The following RAB2A variants were observed in gnomAD, a reference collection of about 807,000 sequenced individuals.
The protein encoded by RAB2A is ras-related protein Rab-2A.
RAB2A carries 7 observed loss-of-function variants against 32.5 expected under a neutral mutation model. The ratio of observed to expected loss-of-function variants is 0.22; its 90% CI spans 0.12 to 0.40. The LOEUF is 0.40. RAB2A is among the 10% of genes least tolerant of loss of function. RAB2A has a pLI of 1.00. For synonymous variants in RAB2A, 79 were observed against 85.2 expected, an observed-to-expected ratio of 0.93 and a Z score of 0.40; for missense variants, 108 against 260.7, an observed-to-expected ratio of 0.41 and a Z score of 4.03.
chr8:60,597,413 G>C (rs1804046730), intron 6 of RAB2A, among the ~76,000 whole-genome samples: 1 of 152,014 alleles, frequency 6.6e-6, no homozygotes, highest in African/African-American at 2.4e-5. Flanking sequence ...TGGACACAGG[G>C]CGGGTAACAT....
chr8:60,561,079 A>G (rs984197963), intron 2 of RAB2A, among the ~76,000 whole-genome samples: 3 of 152,126 alleles, frequency 2.0e-5, no homozygotes. Flanking sequence ...GGCAGGCCCA[A>G]ATGGTCTGGT....
chr8:60,604,660 G>A (rs963943458), intron 6 of RAB2A, among the ~76,000 whole-genome samples: 6 of 152,202 alleles, frequency 3.9e-5, no homozygotes, highest in African/African-American at 1.4e-4. Flanking sequence ...CCCTGCCCTA[G>A]GGACCTGTGG....
chr8:60,582,506 T>A (rs1468440410), intron 3 of RAB2A, among the ~76,000 whole-genome samples: 1 of 152,182 alleles, frequency 6.6e-6, no homozygotes, highest in Non-Finnish European at 1.5e-5. Context: ...ATTTCTTGTT[T>A]CACTTTTTTG....
chr8:60,541,597 G>C (rs1396047772), intron 1 of RAB2A, among the ~76,000 whole-genome samples: 1 of 152,144 alleles, frequency 6.6e-6, no homozygotes, highest in Non-Finnish European at 1.5e-5. Flanking sequence ...GCTGAGGCAG[G>C]AGAAGTGCTT....
intron 1 of RAB2A, among the ~76,000 whole-genome samples, chr8:60,541,622 G>A (rs1174221653): frequency 6.6e-6 from 1 of 152,228 alleles, no homozygotes; most frequent in Non-Finnish European, 1.5e-5. Context: ...CCAGGAGGCA[G>A]AGGTTGCAGT....
intron 6 of RAB2A, among the ~76,000 whole-genome samples, chr8:60,617,019 C>T (rs1310479044): frequency 6.6e-6 from 1 of 152,142 alleles, no homozygotes; most frequent in African/African-American, 2.4e-5. Context: ...TAAATTAGGT[C>T]TGTATCAGTG....
intron 6 of RAB2A, among the ~76,000 whole-genome samples, chr8:60,607,629 T>G (rs1804257462): frequency 6.6e-6 from 1 of 152,090 alleles, no homozygotes; most frequent in African/African-American, 2.4e-5. Context: ...AATGTACACT[T>G]AAGAATTCTG....
chr8:60,570,137 C>T (rs115567848), intron 2 of RAB2A: 114 of 429,306 alleles, frequency 2.7e-4, no homozygotes, highest in African/African-American at 2.0e-3. Flanking sequence ...GCTAGCCTTG[C>T]CTTCCTTACC....
At chr8:60,565,294 C>G (rs181424471) in intron 2 of RAB2A, among the ~76,000 whole-genome samples, 40 of 152,032 alleles carry the variant, frequency 2.6e-4, no homozygotes, top group Middle Eastern at 3.4e-3. Context: ...TGGCACACAC[C>G]TGTAGCCCCA....
intron 6 of RAB2A, among the ~76,000 whole-genome samples, chr8:60,607,723 C>T (rs1804258901): frequency 6.6e-6 from 1 of 152,184 alleles, no homozygotes; most frequent in African/African-American, 2.4e-5. Context: ...AATGTAGATA[C>T]TGCTGATCCA....
At chr8:60,601,951 G>C (rs988682859) in intron 6 of RAB2A, among the ~76,000 whole-genome samples, 2 of 152,072 alleles carry the variant, frequency 1.3e-5, no homozygotes, top group African/African-American at 4.8e-5. Flanking sequence ...ACTGTGGTTT[G>C]AACTGTAGCC....
chr8:60,580,426 AC>A (rs922599200), intron 3 of RAB2A, among the ~76,000 whole-genome samples: 7 of 152,268 alleles, frequency 4.6e-5, no homozygotes, highest in Admixed American at 4.6e-4. Context: ...AAAAAAAAAA[AC>A]TTCACTGGGC....
At position 60,620,717 on chromosome 8, in the gene RAB2A, C is replaced by T. The variant is rs1334648053; in HGVS notation, c.587C>T (p.Ala196Val). 1.2e-6 allele frequency: 2 copies of T among 1,613,772 alleles called. No homozygotes were observed. Among genetic ancestry groups the T allele is most frequent in the African/African-American group, 2.7e-5 (2 of 74,900 alleles). ...GGCCCTCAGCATGCTGCTACCAATG[C>T]AACACATGCAGGCAATCAGGGAGGA... is the stretch of plus-strand genomic sequence containing the variant. Reference protein sequence around the residue: ...KIGPQHAATNATHAGNQGGQQ... With the variant: ...KIGPQHAATNVTHAGNQGGQQ... Residue 196 changes from alanine to valine, a missense_variant, in exon 8 of 8, where the codon GCA becomes GTA. Ala to Val is a moderately conservative substitution (Grantham distance 64). This residue lies in a region of RAB2A where 24 missense variants were observed against 23.2 expected (regional missense o/e 1.04). Transcript: ENST00000262646.
At chr8:60,559,341 T>G (rs1022669644) in intron 2 of RAB2A, 2 of 161,168 alleles carry the variant, frequency 1.2e-5, no homozygotes, top group African/African-American at 4.8e-5. Context: ...ACCAATCACA[T>G]GAAGTTACTG....
intron 1 of RAB2A, among the ~76,000 whole-genome samples, chr8:60,547,900 C>G (rs1807769074): frequency 8.0e-6 from 1 of 125,152 alleles, no homozygotes. Context: ...TACCTCCCTC[C>G]CGGACGGGGC....
At chr8:60,617,311 GC>G (rs796705066) in intron 6 of RAB2A, among the ~76,000 whole-genome samples, 23 of 152,138 alleles carry the variant, frequency 1.5e-4, no homozygotes, top group African/African-American at 5.6e-4. Context: ...AAGAAGTTGA[GC>G]CGTCTTTTCT....
chr8:60,564,965 A>G lies in RAB2A; in HGVS notation c.118+6042A>G, dbSNP rs112611886. Among the ~76,000 whole-genome samples, 332 of 152,346 alleles carry G rather than the reference A, an allele frequency of 2.2e-3. 1 individual carries two copies. Among genetic ancestry groups the G allele is most frequent in the African/African-American group, 7.5e-3 (310 of 41,594 alleles). On this transcript the variant is annotated intron_variant, in intron 2 of 7. Transcript: ENST00000262646. ...TGCTTGCATTCCTATATGTTATACT[A>G]TTCAGTTATGTTGTTTACAAATAAG...
At chr8:60,575,653 C>CTTTTTTT (rs35451518) in intron 3 of RAB2A, among the ~76,000 whole-genome samples, 2 of 113,224 alleles carry the variant, frequency 1.8e-5, no homozygotes, top group Admixed American at 9.3e-5. Flanking sequence ...GGATATTTGT[C>CTTTTTTT]TTTTTTTTTT....
intron 3 of RAB2A, among the ~76,000 whole-genome samples, chr8:60,579,022 TG>T (rs141931094): frequency 0.014 from 2,082 of 152,228 alleles, 43 homozygotes; most frequent in African/African-American, 0.046. Context: ...ATTTTGTGAA[TG>T]TTTTTTTGTT....
Sources: gnomAD v4.1 joint callset for allele counts (sites outside exome capture counted in the v4.1 genomes callset) on GRCh38, gnomAD v4.1.1 for gene constraint, gnomAD v4.1.1 regional missense constraint, MANE v1.5 for transcripts, NCBI Gene and HGNC (gene_info 2026-07-23, HGNC 2026-07-21) for gene names.